Variants in NCAPG2 observed in about 807,000 individuals in gnomAD.
NCAPG2 encodes the protein condensin-2 complex subunit G2.
Under a neutral mutation model 141.1 loss-of-function variants are expected in NCAPG2, and 53 were observed. The ratio of observed to expected loss-of-function variants is 0.38; its 90% CI spans 0.30 to 0.47. The LOEUF (loss-of-function observed/expected upper bound fraction) is 0.47, where lower values mean the gene tolerates loss of function less well. NCAPG2 is among the 20% of genes least tolerant of loss of function. The pLI is 0.99. For missense variants in NCAPG2, 1,087 were observed against 1,389.0 expected, an observed-to-expected ratio of 0.78 and a Z score of 3.46; for synonymous variants, 499 against 490.7, an observed-to-expected ratio of 1.02 and a Z score of -0.22.
Position 158,667,372 on chromosome 7 carries a change from G to T in NCAPG2, c.1480-2622C>A, listed in dbSNP as rs1160628004. 7.2e-5 allele frequency: 6 copies of T among 83,052 alleles called. 2 individuals carry two copies. Among genetic ancestry groups the T allele is most frequent in the Non-Finnish European group, 2.7e-5 (2 of 74,410 alleles). The allele number at this position is 83,052 out of a possible 1,614,324, so 5.1% of individuals were successfully genotyped here. A position where few individuals can be genotyped will look rare whatever the true frequency, so the allele number is the denominator to read the frequency against. On this transcript the variant is annotated intron_variant, in intron 13 of 27. Coordinates refer to ENST00000356309, the MANE Select transcript of NCAPG2 (RefSeq NM_017760.7). ...TCCTTAGCCACTACCGGATCCCTCC[G>T]CCCCCCCTTACCCACTACTGGGTCC...
chr7:158,688,323 G>A (rs558345169), intron 6 of NCAPG2, among the ~76,000 whole-genome samples: 18 of 152,288 alleles, frequency 1.2e-4, no homozygotes, highest in Non-Finnish European at 2.4e-4. Flanking sequence ...ATTCAAAGGA[G>A]ACATCAATTT....
chr7:158,643,217 G>T (rs1042714985), intron 27 of NCAPG2, among the ~76,000 whole-genome samples: 4 of 151,716 alleles, frequency 2.6e-5, no homozygotes, highest in African/African-American at 9.7e-5. Context: ...ACCCACCTCG[G>T]CCTCCCAAAG....
chr7:158,669,949 A>G (rs578216139), intron 13 of NCAPG2, among the ~76,000 whole-genome samples: 1 of 151,974 alleles, frequency 6.6e-6, no homozygotes, highest in Non-Finnish European at 1.5e-5. Context: ...CTGTTACTCT[A>G]AAGTTTATAT....
chr7:158,684,178 C>G (rs1332599428), intron 8 of NCAPG2, among the ~76,000 whole-genome samples: 1 of 152,222 alleles, frequency 6.6e-6, no homozygotes, highest in Non-Finnish European at 1.5e-5. Context: ...GTGGGACAAC[C>G]ACACATTGTC....
Position 158,655,108 on chromosome 7 carries a change from G to A in NCAPG2, c.2646+10C>T. 7 of 1,593,242 alleles carry A rather than the reference G, an allele frequency of 4.4e-6. No homozygotes were observed. The highest frequency in any genetic ancestry group is 6.0e-6 in the Non-Finnish European group (7 of 1,174,014). On this transcript the variant is annotated intron_variant, in intron 21 of 27. Coordinates refer to ENST00000356309, the MANE Select transcript of NCAPG2 (RefSeq NM_017760.7). The stretch of plus-strand genomic sequence containing the variant: ...AAAGAGAAAGTTTTCTGTGTCTTAA[G>A]ACTTCTAACCTGGATAATTTGCTGA...
rs544220645 is a variant in NCAPG2, at chr7:158,633,600, C to T, written c.3381-1883G>A. Among the ~76,000 whole-genome samples the T allele has an allele frequency of 2.0e-5, 3 of 152,282 alleles. No individual in the cohort carries two copies. In the East Asian group the frequency reaches 5.8e-4, roughly 30 times the overall value. ...TGCCTCAGGGTCTCCTGCCCATTCC[C>T]TGAGTCCCCCAAGGAGAAGAGAGTG... is the stretch of plus-strand genomic sequence containing the variant. On this transcript the variant is annotated intron_variant, in intron 27 of 27. Transcript: ENST00000356309. The surrounding 1 kb of genome is among the most constrained non-coding windows in gnomAD (Gnocchi z 4.1).
At chr7:158,647,336 C>CA (rs560276359) in intron 24 of NCAPG2, among the ~76,000 whole-genome samples, 347 of 152,320 alleles carry the variant, frequency 2.3e-3, no homozygotes, top group Admixed American at 6.8e-3. Flanking sequence ...GCACGTTGCC[C>CA]ACCCCCTCAC....
rs1835222544 is a variant in NCAPG2, at chr7:158,692,949, C to A, written c.275G>T (p.Ser92Ile). 1.3e-6 allele frequency: 2 copies of A among 1,531,002 alleles called. No individual in the cohort carries two copies. The highest frequency in any genetic ancestry group is 2.4e-5 in the South Asian group (2 of 84,412). 94.8% of individuals were successfully genotyped at this position (1,531,002 alleles called of 1,614,324 possible). A position where few individuals can be genotyped will look rare whatever the true frequency, so the allele number is the denominator to read the frequency against. Residue 92 changes from serine (S) to isoleucine (I), a missense_variant, in exon 4 of 28, where the codon AGC becomes ATC. Ser to Ile is a moderately radical substitution (Grantham distance 142). Coordinates refer to ENST00000356309, the MANE Select transcript of NCAPG2 (RefSeq NM_017760.7). ...TGTAATTGCATAAATTATTTCTATG[C>A]TTTTTCTCTATAAATGAAAAATCAA... ...ETEHGSKMRKSIEIIYAITSV... is the reference protein window; with the variant it reads ...ETEHGSKMRKIIEIIYAITSV...
intron 27 of NCAPG2, 33 bp from the exon 28 acceptor site, chr7:158,631,750 G>GA (rs540682249): frequency 8.5e-5 from 127 of 1,495,738 alleles, no homozygotes; most frequent in Non-Finnish European, 1.2e-4. Context: ...TTTAGCTACA[G>GA]AAAAAAGTGA....
chr7:158,655,553 G>T, intron 19 of NCAPG2, 98 bp from the exon 20 acceptor site: 1 of 1,028,364 alleles, frequency 9.7e-7, no homozygotes, highest in Non-Finnish European at 1.5e-6. Flanking sequence ...CCTCAGGCGA[G>T]CTGAAAAGAC....
rs1416576771 is a variant in NCAPG2, at chr7:158,689,810, C to T, written c.672+9G>A. The T allele has an allele frequency of 1.3e-6, 2 of 1,564,264 alleles. No homozygotes were observed. Among genetic ancestry groups the T allele is most frequent in the Non-Finnish European group, 1.7e-6 (2 of 1,148,882 alleles). On this transcript the variant is annotated intron_variant, in intron 6 of 27. Coordinates refer to ENST00000356309, the MANE Select transcript of NCAPG2 (RefSeq NM_017760.7). ...TCACAAACAGATCAAAAAACAAATA[C>T]CTATTTACCTCTTCTTTCTTGATAT...
chr7:158,655,680 C>G (rs1831887157), intron 19 of NCAPG2, among the ~76,000 whole-genome samples: 1 of 152,308 alleles, frequency 6.6e-6, no homozygotes, highest in African/African-American at 2.4e-5. Flanking sequence ...ACAGCCCTTG[C>G]CCTGCACGCA....
intron 17 of NCAPG2, among the ~76,000 whole-genome samples, chr7:158,657,741 T>C (rs376902083): frequency 3.3e-5 from 5 of 152,068 alleles, no homozygotes; most frequent in African/African-American, 2.4e-5. Context: ...GATTGAGAAA[T>C]TGGATGGTTG....
chr7:158,656,180 G>C, intron 19 of NCAPG2, 80 bp downstream of exon 19: 1 of 1,498,952 alleles, frequency 6.7e-7, no homozygotes, highest in Non-Finnish European at 9.1e-7. Context: ...GTATAGCACT[G>C]TAAATATGAA....
intron 11 of NCAPG2, among the ~76,000 whole-genome samples, chr7:158,676,316 T>C (rs1473397276): frequency 6.6e-6 from 1 of 152,120 alleles, no homozygotes; most frequent in Non-Finnish European, 1.5e-5. Context: ...GCTTCTTCAA[T>C]GACAACAAAA....
chr7:158,647,827 G>A (rs149896671), intron 24 of NCAPG2, among the ~76,000 whole-genome samples: 206 of 152,062 alleles, frequency 1.4e-3, no homozygotes, highest in African/African-American at 4.6e-3. Context: ...AACTACAGGC[G>A]TGTACCACCA....
Position 158,686,210 on chromosome 7 carries a change from A to G in NCAPG2, c.799T>C (p.Phe267Leu), listed in dbSNP as rs1166684458. 1.3e-6 allele frequency: 2 copies of G among 1,582,690 alleles called. No homozygotes were observed. Among genetic ancestry groups the G allele is most frequent in the Non-Finnish European group, 1.7e-6 (2 of 1,165,226 alleles). ...SLMVYIAEIY[F>L]RAWKKASGKI... ...CCTGAAGCCTTTTTCCAAGCTCTGA[A>G]ATAAATTTCTGCAATGTATACCATC... is the stretch of plus-strand genomic sequence containing the variant. Residue 267 changes from phenylalanine (F) to leucine (L), a missense_variant, in exon 8 of 28, where the codon TTC becomes CTC. By Grantham distance (22) the Phe-to-Leu change is conservative. Coordinates refer to ENST00000356309, the MANE Select transcript of NCAPG2 (RefSeq NM_017760.7).
intron 2 of NCAPG2, among the ~76,000 whole-genome samples, chr7:158,697,908 G>A (rs867367054): frequency 1.2e-4 from 18 of 152,098 alleles, no homozygotes; most frequent in African/African-American, 2.9e-4. Context: ...ACATGGACAC[G>A]GGGGAACAAC....
At chr7:158,687,637 T>A (rs1252913082) in intron 6 of NCAPG2, among the ~76,000 whole-genome samples, 195 bp from the exon 7 acceptor site, 1 of 151,962 alleles carries the variant, frequency 6.6e-6, no homozygotes, top group East Asian at 1.9e-4. Flanking sequence ...ACAAGCCACC[T>A]CCCCCAGGGC....
Sources: gnomAD v4.1 joint callset for allele counts (sites outside exome capture counted in the v4.1 genomes callset) on GRCh38, gnomAD v4.1.1 for gene constraint, Gnocchi (gnomAD v3.1) non-coding constraint, MANE v1.5 for transcripts, NCBI Gene and HGNC (gene_info 2026-07-23, HGNC 2026-07-21) for gene names.